Variants in CACNA2D3 observed in about 807,000 individuals in gnomAD.
The protein encoded by CACNA2D3 is voltage-dependent calcium channel subunit alpha-2/delta-3.
CACNA2D3 carries 60 observed loss-of-function variants against 160.6 expected under a neutral mutation model. The ratio of observed to expected loss-of-function variants is 0.37; its 90% confidence interval spans 0.30 to 0.46. CACNA2D3 has a LOEUF of 0.46. Among genes scored for constraint, CACNA2D3 ranks in the 20% least tolerant of loss-of-function variants. The pLI, the probability that CACNA2D3 is intolerant of heterozygous loss-of-function variation, is 1.00. For missense variants in CACNA2D3, 1,205 were observed against 1,365.0 expected, an observed-to-expected ratio of 0.88 and a Z score of 1.85; for synonymous variants, 558 against 492.9, an observed-to-expected ratio of 1.13 and a Z score of -1.75.
intron 2 of CACNA2D3, among the ~76,000 whole-genome samples, chr3:54,282,736 A>G (rs1416392547): frequency 6.6e-6 from 1 of 152,226 alleles, no homozygotes; most frequent in African/African-American, 2.4e-5. Context: ...GTGTATTACA[A>G]GTTGTGATAA....
intron 11 of CACNA2D3, among the ~76,000 whole-genome samples, chr3:54,731,753 G>A (rs535555313): frequency 3.5e-4 from 53 of 152,170 alleles, no homozygotes; most frequent in African/African-American, 1.1e-3. Flanking sequence ...GTAACTATGT[G>A]TTAAAATGTC....
intron 10 of CACNA2D3, chr3:54,631,995 C>T (rs1699247693): frequency 6.6e-6 from 1 of 152,216 alleles, no homozygotes. Context: ...TCACTGCTAA[C>T]TGATGAATCA....
At chr3:55,015,409 C>G (rs1001687274) in intron 34 of CACNA2D3, among the ~76,000 whole-genome samples, 1 of 152,178 alleles carries the variant, frequency 6.6e-6, no homozygotes, top group African/African-American at 2.4e-5. Flanking sequence ...TCATGTTTTA[C>G]TATTAAATTA....
At position 54,678,669 on chromosome 3, in the gene CACNA2D3, C is replaced by T. The variant is rs185000698; in HGVS notation, c.1167+36428C>T. On this transcript the variant is annotated intron_variant, in intron 11 of 37. Transcript: ENST00000474759. The stretch of plus-strand genomic sequence containing the variant: ...CCGGGAGGTGGAGGTTGTAATGAGC[C>T]GAGATCGTGCAATTGCATCCCAGCC... Among the ~76,000 whole-genome samples the T allele has an allele frequency of 6.3e-3, 783 of 124,866 alleles. 7 individuals carry two copies. Among genetic ancestry groups the T allele is most frequent in the Non-Finnish European group, 7.8e-3 (490 of 63,206 alleles). 81.9% of individuals were successfully genotyped at this position (124,866 alleles called of 152,430 possible).
intron 11 of CACNA2D3, among the ~76,000 whole-genome samples, chr3:54,714,326 C>T (rs1302619997): frequency 6.6e-6 from 1 of 152,158 alleles, no homozygotes; most frequent in Non-Finnish European, 1.5e-5. Flanking sequence ...GAAGCTCTTT[C>T]ATTTATGGAG....
intron 2 of CACNA2D3, among the ~76,000 whole-genome samples, chr3:54,165,145 A>G (rs1247753626): frequency 1.4e-5 from 2 of 144,190 alleles, no homozygotes; most frequent in African/African-American, 2.6e-5. Context: ...GTCAAACAAG[A>G]TGAATGAACA....
intron 4 of CACNA2D3, among the ~76,000 whole-genome samples, chr3:54,499,013 T>G (rs1394694200): frequency 6.6e-6 from 1 of 152,056 alleles, no homozygotes; most frequent in Non-Finnish European, 1.5e-5. Context: ...ATTTTAAATG[T>G]ATTGAGACTT....
At chr3:54,458,682 G>T (rs1455583428) in intron 4 of CACNA2D3, among the ~76,000 whole-genome samples, 24 of 152,016 alleles carry the variant, frequency 1.6e-4, no homozygotes, top group Admixed American at 1.6e-3. Context: ...GGAGGTTTCT[G>T]AGCTTCCTGG....
intron 4 of CACNA2D3, among the ~76,000 whole-genome samples, chr3:54,459,866 G>A (rs1449601973): frequency 6.6e-6 from 1 of 152,194 alleles, no homozygotes; most frequent in African/African-American, 2.4e-5. Context: ...GTCCTGAATG[G>A]TAATGCCTAG....
chr3:54,227,827 G>A (rs939638083), intron 2 of CACNA2D3, among the ~76,000 whole-genome samples: 3 of 152,096 alleles, frequency 2.0e-5, no homozygotes, highest in Non-Finnish European at 4.4e-5. Flanking sequence ...GGGATTACAG[G>A]TGTGAGCCAC....
At chr3:54,449,433 TGTTTC>T (rs1026772039) in intron 4 of CACNA2D3, among the ~76,000 whole-genome samples, 3 of 152,256 alleles carry the variant, frequency 2.0e-5, no homozygotes, top group African/African-American at 7.2e-5. Context: ...TTTTAAGTTT[TGTTTC>T]AAGTGTGGTT....
At chr3:54,526,321 CT>C (rs1280911643) in intron 5 of CACNA2D3, among the ~76,000 whole-genome samples, 2 of 152,210 alleles carry the variant, frequency 1.3e-5, no homozygotes, top group East Asian at 3.9e-4. Flanking sequence ...AGAACAATTT[CT>C]GGTCACTCTC....
At chr3:54,138,003 G>A (rs374757097) in intron 2 of CACNA2D3, among the ~76,000 whole-genome samples, 50 of 152,328 alleles carry the variant, frequency 3.3e-4, no homozygotes, top group African/African-American at 1.0e-3. Flanking sequence ...TAATGCTTAT[G>A]AGCCAGTCAC....
intron 8 of CACNA2D3, among the ~76,000 whole-genome samples, chr3:54,572,557 G>A (rs1309272577): frequency 6.6e-6 from 1 of 152,142 alleles, no homozygotes; most frequent in African/African-American, 2.4e-5. Flanking sequence ...GACATTGTCC[G>A]GCTTCACCTT....
Position 54,987,736 on chromosome 3 carries a change from A to G in CACNA2D3, c.2673A>G (p.Thr891=), listed in dbSNP as rs1702647629. 2 of 1,609,484 alleles carry G rather than the reference A, an allele frequency of 1.2e-6. No individual in the cohort carries two copies. The highest frequency in any genetic ancestry group is 1.3e-5 in the African/African-American group (1 of 74,586). Residue 891 remains threonine, a synonymous_variant, in exon 31 of 38, where the codon ACA becomes ACG. Coordinates refer to ENST00000474759, the MANE Select transcript of CACNA2D3 (RefSeq NM_018398.3). ...IEGAVMNKLL[T]MGSFKRITLY... is the part of the protein sequence containing the mutation. ...GAGCTGTGATGAACAAATTGCTAAC[A>G]ATGGGCTCCTTTAAAAGGTAAGGGT... is the stretch of plus-strand genomic sequence containing the variant.
chr3:54,408,953 T>C (rs1167770195), intron 4 of CACNA2D3, among the ~76,000 whole-genome samples: 4 of 152,194 alleles, frequency 2.6e-5, no homozygotes, highest in African/African-American at 9.6e-5. Flanking sequence ...GGCTATAATA[T>C]AACATGAACA....
intron 4 of CACNA2D3, among the ~76,000 whole-genome samples, chr3:54,400,063 C>T: frequency 7.3e-6 from 1 of 136,442 alleles, no homozygotes; most frequent in Non-Finnish European, 1.6e-5. Flanking sequence ...ACCCGATTTT[C>T]CAGGTGCGTC....
At chr3:54,351,912 A>ACC (rs59047947) in intron 3 of CACNA2D3, among the ~76,000 whole-genome samples, 4,626 of 152,264 alleles carry the variant, frequency 0.03, 236 homozygotes, top group African/African-American at 0.11. Context: ...ATTCATCTAA[A>ACC]CCCATGTTGG....
intron 3 of CACNA2D3, among the ~76,000 whole-genome samples, chr3:54,343,983 A>G (rs1248416456): frequency 1.3e-5 from 2 of 152,218 alleles, no homozygotes; most frequent in Non-Finnish European, 2.9e-5. Context: ...ATTTGTAGGC[A>G]TATGCTGACT....
Sources: allele counts gnomAD v4.1 joint callset (sites outside exome capture counted in the v4.1 genomes callset), GRCh38; gene constraint gnomAD v4.1.1; transcripts MANE v1.5; gene names NCBI Gene and HGNC (gene_info 2026-07-23, HGNC 2026-07-21).